Variants in AGAP1 observed in about 807,000 individuals in gnomAD.
AGAP1 encodes arf-GAP with GTPase, ANK repeat and PH domain-containing protein 1.
In AGAP1, 29 loss-of-function variants were observed where a neutral mutation model predicts 105.3. That is an observed-to-expected ratio of 0.28 (90% CI 0.21 to 0.38). The LOEUF (loss-of-function observed/expected upper bound fraction) is 0.38, where lower values mean the gene tolerates loss of function less well. Ranked by LOEUF, AGAP1 falls within the 10% of genes least tolerant of loss-of-function variation. The probability of loss-of-function intolerance (pLI) is 1.00; values close to 1 mark genes in which losing one functional copy is unlikely to be tolerated. For synonymous variants in AGAP1, 509 were observed against 485.9 expected, an observed-to-expected ratio of 1.05 and a Z score of -0.63; for missense variants, 998 against 1,165.1, an observed-to-expected ratio of 0.86 and a Z score of 2.09.
Position 236,045,910 on chromosome 2 carries a change from GC to G in AGAP1, c.1892-3144del, listed in dbSNP as rs1403719155. On this transcript the variant is annotated intron_variant, in intron 15 of 17. Transcript: ENST00000304032. The surrounding 1 kb of genome is among the most constrained non-coding windows in gnomAD (Gnocchi z 6.9). ...TGAGCATGGGGCCCTGGAACACTGT[GC>G]CCCCGCCCCCTGCAACATTTTGGGT... The G allele has an allele frequency of 4.3e-6, 2 of 470,352 alleles. No individual in the cohort carries two copies. The highest frequency in any genetic ancestry group is 8.8e-6 in the Non-Finnish European group (2 of 226,520). The allele number at this position is 470,352 out of a possible 1,614,324, so 29.1% of individuals were successfully genotyped here. A position where few individuals can be genotyped will look rare whatever the true frequency, so the allele number is the denominator to read the frequency against.
At chr2:235,694,379 T>C (rs1949895340) in intron 1 of AGAP1, among the ~76,000 whole-genome samples, 1 of 150,866 alleles carries the variant, frequency 6.6e-6, no homozygotes, top group Non-Finnish European at 1.5e-5. Context: ...CTTGGGAGGC[T>C]GAGGCAGAAG....
rs2059870087 is a variant in AGAP1, at chr2:236,120,317, C to A, written c.2240C>A (p.Thr747Lys). Residue 747 changes from threonine (T) to lysine (K), a missense_variant, in exon 17 of 18, where the codon ACG becomes AAG. Coordinates refer to ENST00000304032, the MANE Select transcript of AGAP1 (RefSeq NM_001037131.3). The surrounding 1 kb of genome is among the most constrained non-coding windows in gnomAD (Gnocchi z 6.0). ...LRATADEDLRTAILLLAHGSR... is the reference protein window; with the variant it reads ...LRATADEDLRKAILLLAHGSR... ...GCCACCGCCGACGAGGACCTGCGGACGGCCATCCTGCTGCTGGCACACGGC... is the reference window on the plus strand; with the variant it reads ...GCCACCGCCGACGAGGACCTGCGGAAGGCCATCCTGCTGCTGGCACACGGC... 1 of 1,612,436 alleles carries A rather than the reference C, an allele frequency of 6.2e-7. No homozygotes were observed. Among genetic ancestry groups the A allele is most frequent in the African/African-American group, 1.3e-5 (1 of 74,898 alleles).
intron 16 of AGAP1, among the ~76,000 whole-genome samples, chr2:236,072,836 T>C (rs915282669): frequency 1.3e-5 from 2 of 152,170 alleles, no homozygotes; most frequent in Non-Finnish European, 2.9e-5. Flanking sequence ...AGCTGAACTA[T>C]ACCAGGAGCC....
At chr2:235,686,394 T>G (rs1041193726) in intron 1 of AGAP1, among the ~76,000 whole-genome samples, 14 of 151,820 alleles carry the variant, frequency 9.2e-5, no homozygotes, top group African/African-American at 3.4e-4. Flanking sequence ...TATATTGGAA[T>G]TCTTTGTCTC....
In AGAP1 at chr2:235,741,251, G is replaced by C. The variant is rs1952565736; in HGVS notation, c.396+203G>C. Among the ~76,000 whole-genome samples the C allele has an allele frequency of 6.6e-6, 1 of 152,144 alleles. No homozygotes were observed. Among genetic ancestry groups the C allele is most frequent in the Non-Finnish European group, 1.5e-5 (1 of 68,032 alleles). On this transcript the variant is annotated intron_variant, in intron 4 of 17. Transcript: ENST00000304032. This position sits in a 1 kb window ranked among gnomAD's most constrained non-coding sequence, Gnocchi z 4.9. ...TTTTTCCCAGACTAAATCCTGCAGG[G>C]AAGTTGGGTTTATGTGATGGCTTTT...
At chr2:235,667,828 G>A (rs980400578) in intron 1 of AGAP1, among the ~76,000 whole-genome samples, 10 of 151,720 alleles carry the variant, frequency 6.6e-5, no homozygotes, top group South Asian at 2.1e-4. Context: ...GACTGGTGGC[G>A]CGCACCTGTA....
intron 16 of AGAP1, among the ~76,000 whole-genome samples, chr2:236,100,934 G>A (rs1215872161): frequency 6.6e-6 from 1 of 151,894 alleles, no homozygotes; most frequent in Non-Finnish European, 1.5e-5. Flanking sequence ...AATTTCAGTT[G>A]TCATTACCCT....
At chr2:235,533,742 A>G (rs2149078964) in intron 1 of AGAP1, among the ~76,000 whole-genome samples, 1 of 152,306 alleles carries the variant, frequency 6.6e-6, no homozygotes, top group South Asian at 2.1e-4. Flanking sequence ...ATGTGTGAGG[A>G]GCTGTTACTG....
intron 1 of AGAP1, among the ~76,000 whole-genome samples, chr2:235,640,828 T>G (rs1026812205): frequency 6.6e-6 from 1 of 152,192 alleles, no homozygotes; most frequent in Non-Finnish European, 1.5e-5. Context: ...TCTTTCCACT[T>G]GAAGAAGTGT....
Position 235,601,679 on chromosome 2 carries a change from GA to G in AGAP1, c.163+106831del, listed in dbSNP as rs765578996. 1.1e-4 allele frequency among the ~76,000 whole-genome samples: 17 copies of G among 152,148 alleles called. No homozygotes were observed. Among genetic ancestry groups the G allele is most frequent in the Non-Finnish European group, 2.4e-4 (16 of 68,030 alleles). On this transcript the variant is annotated intron_variant, in intron 1 of 17. Transcript: ENST00000304032. This position sits in a 1 kb window ranked among gnomAD's most constrained non-coding sequence, Gnocchi z 4.4. ...CAATTCAAGATGAGATTTGGGTGGGGACACAGCCAAACCATATCACCAGTCC... is the reference window on the plus strand; with the variant it reads ...CAATTCAAGATGAGATTTGGGTGGGGCACAGCCAAACCATATCACCAGTCC...
chr2:235,868,175 C>T (rs1295560494), intron 9 of AGAP1, among the ~76,000 whole-genome samples: 3 of 151,082 alleles, frequency 2.0e-5, no homozygotes, highest in African/African-American at 4.9e-5. Flanking sequence ...GTAAAACCAC[C>T]GAAGTACTCA....
chr2:235,887,189 G>A lies in AGAP1; in HGVS notation c.1155+3740G>A, dbSNP rs2050311649. On this transcript the variant is annotated intron_variant, in intron 10 of 17. Coordinates refer to ENST00000304032, the MANE Select transcript of AGAP1 (RefSeq NM_001037131.3). The surrounding 1 kb of genome is among the most constrained non-coding windows in gnomAD (Gnocchi z 4.1). ...CACCCACATCCTTGGCTATCTCCAGGATGTATTACGGCAGAAGGACCACTG... is the reference window on the plus strand; with the variant it reads ...CACCCACATCCTTGGCTATCTCCAGAATGTATTACGGCAGAAGGACCACTG... Among the ~76,000 whole-genome samples, 1 of 152,178 alleles carries A rather than the reference G, an allele frequency of 6.6e-6. No individual in the cohort carries two copies. Among genetic ancestry groups the A allele is most frequent in the Non-Finnish European group, 1.5e-5 (1 of 68,036 alleles).
In AGAP1 at chr2:235,887,173, C is replaced by T. The variant is rs2050310813; in HGVS notation, c.1155+3724C>T. Among the ~76,000 whole-genome samples, 2 of 152,182 alleles carry T rather than the reference C, an allele frequency of 1.3e-5. No homozygotes were observed. The highest frequency in any genetic ancestry group is 4.8e-5 in the African/African-American group (2 of 41,444). ...ACGGACCATGCTGTGACACCCACAT[C>T]CTTGGCTATCTCCAGGATGTATTAC... On this transcript the variant is annotated intron_variant, in intron 10 of 17. Transcript: ENST00000304032. The surrounding 1 kb of genome is among the most constrained non-coding windows in gnomAD (Gnocchi z 4.1).
chr2:235,694,445 C>T (rs1358403122), intron 1 of AGAP1, among the ~76,000 whole-genome samples: 1 of 148,308 alleles, frequency 6.7e-6, no homozygotes, highest in Non-Finnish European at 1.5e-5. Context: ...CACCACTGCA[C>T]TCCAGCCTGG....
At chr2:235,511,870 G>A (rs1014560308) in intron 1 of AGAP1, among the ~76,000 whole-genome samples, 7 of 149,784 alleles carry the variant, frequency 4.7e-5, no homozygotes, top group Non-Finnish European at 7.4e-5. Flanking sequence ...GAATGTGTGT[G>A]TGTATGTGAA....
At chr2:235,670,765 G>T in intron 1 of AGAP1, 1 of 1,117,074 alleles carries the variant, frequency 9.0e-7, no homozygotes, top group Non-Finnish European at 1.3e-6. Context: ...AGAACGACGC[G>T]CTCTCGGACC....
intron 11 of AGAP1, among the ~76,000 whole-genome samples, chr2:235,911,550 A>G (rs1465751195): frequency 6.6e-6 from 1 of 152,256 alleles, no homozygotes; most frequent in Non-Finnish European, 1.5e-5. Flanking sequence ...GCCAAATGCC[A>G]CTGTTGTCCT....
intron 11 of AGAP1, among the ~76,000 whole-genome samples, chr2:235,928,610 G>A (rs1016146391): frequency 1.3e-5 from 2 of 152,194 alleles, no homozygotes; most frequent in Non-Finnish European, 2.9e-5. Flanking sequence ...GGGCGGAGAA[G>A]GGATGTGAAG....
chr2:235,575,791 T>G (rs1283683009), intron 1 of AGAP1, among the ~76,000 whole-genome samples: 1 of 152,346 alleles, frequency 6.6e-6, no homozygotes, highest in East Asian at 1.9e-4. Context: ...GATGTGTCTT[T>G]CTTCTGTTTC....
Sources: gnomAD v4.1 joint callset for allele counts (sites outside exome capture counted in the v4.1 genomes callset) on GRCh38, gnomAD v4.1.1 for gene constraint, Gnocchi (gnomAD v3.1) non-coding constraint, MANE v1.5 for transcripts, NCBI Gene and HGNC (gene_info 2026-07-23, HGNC 2026-07-21) for gene names.